STK3: variants seen among roughly 807,000 people sequenced by gnomAD.
STK3 encodes the protein serine/threonine-protein kinase 3.
STK3 carries 41 observed loss-of-function variants against 58.0 expected under a neutral mutation model. That is an observed-to-expected ratio of 0.71 (90% confidence interval 0.55 to 0.92). STK3 has a LOEUF of 0.92. Among genes scored for constraint, STK3 ranks in the 40% least tolerant of loss-of-function variants. The pLI is 0.00. For synonymous variants in STK3, 170 were observed against 191.0 expected (o/e 0.89, Z 0.91); for missense variants, 479 against 602.7 (o/e 0.79, Z 2.15).
At chr8:98,851,582 T>C (rs994734307) in intron 3 of STK3, among the ~76,000 whole-genome samples, 1 of 152,116 alleles carries the variant, frequency 6.6e-6, no homozygotes, top group African/African-American at 2.4e-5. Flanking sequence ...AAAATCCATT[T>C]TTAGAGTGAA....
intron 2 of STK3, among the ~76,000 whole-genome samples, chr8:98,772,867 T>C (rs941064895): frequency 6.6e-6 from 1 of 152,172 alleles, no homozygotes; most frequent in Non-Finnish European, 1.5e-5. Flanking sequence ...TTTTGCAGTG[T>C]CTGCAGAACC....
chr8:98,767,383 C>T lies in STK3; in HGVS notation c.108-12G>A. On this transcript the variant is annotated splice_polypyrimidine_tract_variant and intron_variant, in intron 2 of 10. Coordinates refer to ENST00000419617, the MANE Select transcript of STK3 (RefSeq NM_006281.4). ...CACTTCCATAAGACCTAAAAGAAAC[C>T]AAGACATTATTTTTTTCCTATCAAA... is the stretch of plus-strand genomic sequence containing the variant. 6.3e-7 allele frequency: 1 copy of T among 1,576,466 alleles called. No homozygotes were observed. Among genetic ancestry groups the T allele is most frequent in the Non-Finnish European group, 8.6e-7 (1 of 1,169,178 alleles).
chr8:98,703,669 A>G (rs1164567993), intron 6 of STK3, among the ~76,000 whole-genome samples: 2 of 152,140 alleles, frequency 1.3e-5, no homozygotes, highest in Non-Finnish European at 2.9e-5. Context: ...GTCTCTCAGC[A>G]GCATCCTTAA....
chr8:98,700,351 G>A (rs925929461), intron 6 of STK3, among the ~76,000 whole-genome samples: 5 of 152,144 alleles, frequency 3.3e-5, no homozygotes, highest in East Asian at 1.9e-4. Flanking sequence ...GCTTCGGCTC[G>A]CGCACGGTGC....
intron 6 of STK3, among the ~76,000 whole-genome samples, chr8:98,643,994 AACAG>A (rs1820214802): frequency 6.6e-6 from 1 of 152,178 alleles, no homozygotes; most frequent in African/African-American, 2.4e-5. Flanking sequence ...CAGCATAGGC[AACAG>A]ACAAAGACCC....
At chr8:98,657,309 G>C (rs1821627326) in intron 6 of STK3, among the ~76,000 whole-genome samples, 1 of 152,020 alleles carries the variant, frequency 6.6e-6, no homozygotes, top group Admixed American at 6.6e-5. Flanking sequence ...AAATAAAAAT[G>C]CTATAACTGG....
chr8:98,798,822 T>G (rs987345246), intron 1 of STK3, among the ~76,000 whole-genome samples: 2 of 152,194 alleles, frequency 1.3e-5, no homozygotes, highest in Admixed American at 6.5e-5. Context: ...AAATCAGGCC[T>G]TTAAGAGGTA....
chr8:98,926,986 C>T (rs1426590423), intron 1 of STK3, among the ~76,000 whole-genome samples: 2 of 152,182 alleles, frequency 1.3e-5, no homozygotes, highest in Non-Finnish European at 2.9e-5. Context: ...GTGTAAGGGC[C>T]ACAGCCAGGC....
intron 3 of STK3, among the ~76,000 whole-genome samples, chr8:98,861,614 C>T (rs983070181): frequency 2.6e-5 from 4 of 152,148 alleles, no homozygotes; most frequent in South Asian, 2.1e-4. Context: ...TCCCAAAGTG[C>T]TGGGATTACA....
At chr8:98,743,238 T>C (rs935564757) in intron 4 of STK3, among the ~76,000 whole-genome samples, 8 of 142,408 alleles carry the variant, frequency 5.6e-5, no homozygotes, top group Non-Finnish European at 1.2e-4. Flanking sequence ...TACTTTAAAG[T>C]TCATATGGAA....
At chr8:98,804,844 GGAAAAT>G (rs72018245) in intron 1 of STK3, among the ~76,000 whole-genome samples, 4,761 of 152,242 alleles carry the variant, frequency 0.031, 95 homozygotes, top group Middle Eastern at 0.068. Context: ...TATGTTATTA[GGAAAAT>G]GTGGTATGAG....
At chr8:98,818,292 C>T (rs1834676119) in intron 1 of STK3, among the ~76,000 whole-genome samples, 1 of 152,144 alleles carries the variant, frequency 6.6e-6, no homozygotes, top group South Asian at 2.1e-4. Flanking sequence ...GGGCAAAGAA[C>T]CCACCTGTTT....
intron 1 of STK3, among the ~76,000 whole-genome samples, chr8:98,447,165 T>C (rs913313928): frequency 1.3e-5 from 2 of 151,974 alleles, no homozygotes; most frequent in African/African-American, 4.8e-5. Flanking sequence ...AATGATGAAA[T>C]AATCTGTACA....
chr8:98,429,556 C>A, intron 3 of STK3: 1 of 620,672 alleles, frequency 1.6e-6, no homozygotes, highest in East Asian at 2.8e-5. Context: ...ACCCAGGTTT[C>A]TTTTACAGTT....
chr8:98,367,780 T>C (rs1222331389), downstream of STK3, among the ~76,000 whole-genome samples: 1 of 152,132 alleles, frequency 6.6e-6, no homozygotes, highest in African/African-American at 2.4e-5. Context: ...GGGAAGCACA[T>C]TGATGAAGGA....
chr8:98,406,412 T>C (rs1817993540), intron 3 of STK3, among the ~76,000 whole-genome samples: 3 of 152,078 alleles, frequency 2.0e-5, no homozygotes, highest in South Asian at 2.1e-4. Context: ...GTAGTGAGCA[T>C]AGTACCCAAT....
chr8:98,812,873 C>T (rs1834312382), intron 1 of STK3, among the ~76,000 whole-genome samples: 1 of 152,092 alleles, frequency 6.6e-6, no homozygotes, highest in Non-Finnish European at 1.5e-5. Context: ...ACATCACACA[C>T]CAGGGCCTGT....
rs575993852 is a variant in STK3 at position 98,654,262 on chromosome 8, G to C, written c.684+52205C>G. On this transcript the variant is annotated intron_variant, in intron 6 of 10. Coordinates refer to ENST00000419617, the MANE Select transcript of STK3 (RefSeq NM_006281.4). ...TGATTATCTCAATAGATGCAGAAAA[G>C]GCCTTTGACAAAATTCAACAATCCT... Among the ~76,000 whole-genome samples the C allele has an allele frequency of 4.0e-3, 610 of 152,248 alleles. 3 individuals carry two copies. The highest frequency in any genetic ancestry group is 0.012 in the African/African-American group (510 of 41,550).
intron 6 of STK3, among the ~76,000 whole-genome samples, chr8:98,610,639 G>C (rs1341725274): frequency 1.3e-5 from 2 of 152,148 alleles, no homozygotes; most frequent in Non-Finnish European, 2.9e-5. Flanking sequence ...AGGAAAAGCA[G>C]GGAAGATGCC....
Sources: allele counts gnomAD v4.1 joint callset (sites outside exome capture counted in the v4.1 genomes callset), GRCh38; gene constraint gnomAD v4.1.1; transcripts MANE v1.5; gene names NCBI Gene and HGNC (gene_info 2026-07-23, HGNC 2026-07-21).